The following CACNG2 variants were observed in gnomAD, a reference collection of about 807,000 sequenced individuals.
CACNG2 encodes calcium voltage-gated channel auxiliary subunit gamma 2.
Under a neutral mutation model 25.9 loss-of-function variants are expected in CACNG2, and 3 were observed. The ratio of observed to expected loss-of-function variants is 0.12; its 90% confidence interval spans 0.05 to 0.30. The LOEUF is 0.30. Ranked by LOEUF, CACNG2 falls within the 10% of genes least tolerant of loss-of-function variation. CACNG2 has a pLI of 1.00. For missense variants in CACNG2, 341 were observed against 432.5 expected, an observed-to-expected ratio of 0.79 and a Z score of 1.88; for synonymous variants, 167 against 173.3, an observed-to-expected ratio of 0.96 and a Z score of 0.29.
chr22:36,575,320 T>G (rs758268335), intron 2 of CACNG2, among the ~76,000 whole-genome samples: 2 of 152,176 alleles, frequency 1.3e-5, no homozygotes, highest in Non-Finnish European at 2.9e-5. Context: ...AGCTATCTGT[T>G]CTTTGCAAAT....
intron 2 of CACNG2, among the ~76,000 whole-genome samples, chr22:36,567,882 C>A (rs368666877): frequency 6.6e-6 from 1 of 151,996 alleles, no homozygotes; most frequent in South Asian, 2.1e-4. Flanking sequence ...CGGAGTCTTC[C>A]CCTGTCACCC....
At chr22:36,681,134 G>A (rs1327728731) in intron 1 of CACNG2, among the ~76,000 whole-genome samples, 3 of 151,984 alleles carry the variant, frequency 2.0e-5, no homozygotes, top group Admixed American at 6.6e-5. Flanking sequence ...CCTATTAATC[G>A]ATGGATCATT....
At chr22:36,699,533 G>A (rs1172649097) in intron 1 of CACNG2, among the ~76,000 whole-genome samples, 3 of 151,850 alleles carry the variant, frequency 2.0e-5, no homozygotes, top group African/African-American at 7.3e-5. Flanking sequence ...AGAGATCAGA[G>A]GAAGACAGGG....
intron 1 of CACNG2, among the ~76,000 whole-genome samples, chr22:36,605,815 A>G (rs1409010013): frequency 6.6e-6 from 1 of 152,200 alleles, no homozygotes; most frequent in African/African-American, 2.4e-5. Context: ...ACCGGTGATT[A>G]CACTCTGCTG....
chr22:36,660,701 A>T (rs1936779633), intron 1 of CACNG2, among the ~76,000 whole-genome samples: 1 of 152,196 alleles, frequency 6.6e-6, no homozygotes, highest in Non-Finnish European at 1.5e-5. Flanking sequence ...TCACCCACAA[A>T]GTGCCCCAGT....
At chr22:36,699,600 C>T (rs953701591) in intron 1 of CACNG2, among the ~76,000 whole-genome samples, 2 of 146,338 alleles carry the variant, frequency 1.4e-5, no homozygotes, top group Admixed American at 7.0e-5. Flanking sequence ...GAAATCTGTT[C>T]GCAATTTCTC....
intron 1 of CACNG2, among the ~76,000 whole-genome samples, chr22:36,679,394 G>A (rs573028914): frequency 4.0e-4 from 61 of 152,206 alleles, no homozygotes; most frequent in Admixed American, 8.5e-4. Flanking sequence ...AGGGCTCCTG[G>A]AGAGGTTATA....
At chr22:36,631,931 C>T (rs949461192) in intron 1 of CACNG2, among the ~76,000 whole-genome samples, 1 of 152,020 alleles carries the variant, frequency 6.6e-6, no homozygotes, top group Admixed American at 6.6e-5. Context: ...TCATGCCCTT[C>T]TGAGAGTTGG....
In CACNG2 at chr22:36,600,551, GTT is replaced by G. The variant is rs36076374; in HGVS notation, c.212-13005_212-13004del. On this transcript the variant is annotated intron_variant, in intron 1 of 3. Coordinates refer to ENST00000300105, the MANE Select transcript of CACNG2 (RefSeq NM_006078.5). ...TTAAAAAAGCTTGATTTTTAAATTTGTTTTTTTTTTTTTGATACGGAGTCTTG... is the reference window on the plus strand; with the variant it reads ...TTAAAAAAGCTTGATTTTTAAATTTGTTTTTTTTTTTGATACGGAGTCTTG... Among the ~76,000 whole-genome samples the G allele has an allele frequency of 4.7e-3, 667 of 141,944 alleles. 2 individuals are homozygous for G. The highest frequency in any genetic ancestry group is 0.011 in the Middle Eastern group (3 of 262). 93.1% of individuals were successfully genotyped at this position (141,944 alleles called of 152,430 possible).
chr22:36,579,067 C>G (rs1474265283), intron 2 of CACNG2, among the ~76,000 whole-genome samples: 1 of 152,130 alleles, frequency 6.6e-6, no homozygotes, highest in African/African-American at 2.4e-5. Context: ...CCTCGCCATC[C>G]ACAAGACCTC....
rs1438259357 is a variant in CACNG2 at position 36,564,713 on chromosome 22, G to A, written c.610C>T (p.Arg204Trp). The change falls in exon 4 of 4, where the codon CGG (arginine) becomes TGG (tryptophan). Residue 204 changes from arginine to tryptophan, a missense_variant. Physicochemically the swap from Arg to Trp is moderately radical, Grantham distance 101. Around this residue, in one of 2 missense-constraint regions of CACNG2, gnomAD observed 172 missense variants for 178.1 expected, o/e 0.97. Transcript: ENST00000300105. The surrounding 1 kb of genome is among the most constrained non-coding windows in gnomAD (Gnocchi z 6.7). ...GVLAVHMFIDRHKQLRATARA... is the reference protein window; with the variant it reads ...GVLAVHMFIDWHKQLRATARA... The stretch of plus-strand genomic sequence containing the variant: ...GCCGTGGCCCGCAGCTGTTTGTGCC[G>A]GTCGATAAACATGTGCACCGCCAGC... 2 of 1,614,144 alleles carry A rather than the reference G, an allele frequency of 1.2e-6. No individual in the cohort carries two copies. Among genetic ancestry groups the A allele is most frequent in the Non-Finnish European group, 8.5e-7 (1 of 1,180,034 alleles).
chr22:36,680,647 T>TCCACCACC (rs1937102703), intron 1 of CACNG2, among the ~76,000 whole-genome samples: 1 of 5,016 alleles, frequency 2.0e-4, no homozygotes, highest in Non-Finnish European at 3.7e-4. Context: ...CCACCATCAT[T>TCCACCACC]ATCACCACCA....
In CACNG2 at chr22:36,564,110, T is replaced by C; in HGVS notation, c.*241A>G. 2.6e-6 allele frequency: 1 copy of C among 386,038 alleles called. No individual in the cohort carries two copies. The highest frequency in any genetic ancestry group is 4.6e-6 in the Non-Finnish European group (1 of 217,408). 23.9% of individuals were successfully genotyped at this position (386,038 alleles called of 1,614,324 possible). A position where few individuals can be genotyped will look rare whatever the true frequency, so the allele number is the denominator to read the frequency against. On this transcript the variant is annotated 3_prime_UTR_variant, in exon 4 of 4. Transcript: ENST00000300105. This position sits in a 1 kb window ranked among gnomAD's most constrained non-coding sequence, Gnocchi z 6.7. ...CTTCCCTCGTTTATATTTTCCCACA[T>C]TTCCTGTTGTTTTGCTTCTTTGTTC... is the stretch of plus-strand genomic sequence containing the variant.
At chr22:36,565,483 C>CTT (rs879526769) in intron 3 of CACNG2, among the ~76,000 whole-genome samples, 3 of 141,862 alleles carry the variant, frequency 2.1e-5, no homozygotes, top group Admixed American at 7.0e-5. Context: ...TTGGTGGTTC[C>CTT]TTTTTTTTTT....
intron 2 of CACNG2, among the ~76,000 whole-genome samples, chr22:36,570,975 A>G (rs201746398): frequency 1.3e-5 from 2 of 152,042 alleles, no homozygotes; most frequent in East Asian, 3.9e-4. Context: ...GTCACACTTG[A>G]CTTTGAATCC....
intron 2 of CACNG2, among the ~76,000 whole-genome samples, chr22:36,570,604 A>AACAC (rs1935208973): frequency 6.6e-6 from 1 of 152,012 alleles, no homozygotes; most frequent in South Asian, 2.1e-4. Context: ...TACTGAAAAA[A>AACAC]ACACAAAAAT....
chr22:36,626,307 A>G (rs1936182279), intron 1 of CACNG2, among the ~76,000 whole-genome samples: 1 of 152,188 alleles, frequency 6.6e-6, no homozygotes, highest in Admixed American at 6.5e-5. Flanking sequence ...TTAGTCTCTG[A>G]AAGAGTCACT....
Position 36,564,491 on chromosome 22 carries a change from G to C in CACNG2, c.832C>G (p.Leu278Val). ...GCGGTGGGCGTGGTGGCGGCCTTCAGGGGGTCCCTGCTGAGCGTGTACATG... is the reference window on the plus strand; with the variant it reads ...GCGGTGGGCGTGGTGGCGGCCTTCACGGGGTCCCTGCTGAGCGTGTACATG... ...ISMYTLSRDP[L>V]KAATTPTATY... is the part of the protein sequence containing the mutation. The change falls in exon 4 of 4, where the codon CTG becomes GTG. Residue 278 changes from leucine (L) to valine (V), a missense_variant. Physicochemically the swap from Leu to Val is conservative, Grantham distance 32. Transcript: ENST00000300105. This position sits in a 1 kb window ranked among gnomAD's most constrained non-coding sequence, Gnocchi z 6.7. The C allele has an allele frequency of 6.2e-7, 1 of 1,614,100 alleles. No homozygotes were observed. The highest frequency in any genetic ancestry group is 8.5e-7 in the Non-Finnish European group (1 of 1,179,982).
intron 2 of CACNG2, among the ~76,000 whole-genome samples, chr22:36,572,599 G>C (rs1265778877): frequency 1.3e-5 from 2 of 152,086 alleles, no homozygotes; most frequent in African/African-American, 4.8e-5. Flanking sequence ...CTACTCGGGA[G>C]CCCGAGGCAG....
Sources: gnomAD v4.1 joint callset for allele counts (sites outside exome capture counted in the v4.1 genomes callset) on GRCh38, gnomAD v4.1.1 for gene constraint, gnomAD v4.1.1 regional missense constraint, Gnocchi (gnomAD v3.1) non-coding constraint, MANE v1.5 for transcripts, NCBI Gene and HGNC (gene_info 2026-07-23, HGNC 2026-07-21) for gene names.